RNF212: variants seen among roughly 807,000 people sequenced by gnomAD.
The protein encoded by RNF212 is ring finger protein 212.
A neutral mutation model predicts 34.7 loss-of-function variants in RNF212; 33 were observed. That is an observed-to-expected ratio of 0.95 (90% CI 0.72 to 1.27). The LOEUF (loss-of-function observed/expected upper bound fraction) is 1.27. RNF212 is among the 50% of genes most tolerant of loss of function. The pLI is 0.00. For missense variants in RNF212, 377 were observed against 362.2 expected (o/e 1.04, Z -0.33); for synonymous variants, 140 against 136.1 (o/e 1.03, Z -0.20).
chr4:1,103,549 C>T (rs1724354956), intron 2 of RNF212, among the ~76,000 whole-genome samples: 1 of 152,148 alleles, frequency 6.6e-6, no homozygotes, highest in Admixed American at 6.5e-5. Context: ...CCTTGTATCA[C>T]TACAAAGTTG....
chr4:1,113,512 C>G lies in RNF212; in HGVS notation c.-48G>C. Reference sequence around the variant, plus strand: ...CGAGGCCGGGCCCACGCGAAGCCCACGCAAGGTTGGGACCAGCCTCCCCGC... The same window carrying G: ...CGAGGCCGGGCCCACGCGAAGCCCAGGCAAGGTTGGGACCAGCCTCCCCGC... On this transcript the variant is annotated 5_prime_UTR_variant, in exon 1 of 10. Transcript: ENST00000433731. 1 of 1,527,750 alleles carries G rather than the reference C, an allele frequency of 6.5e-7. No homozygotes were observed. Among genetic ancestry groups the G allele is most frequent in the Non-Finnish European group, 9.0e-7 (1 of 1,115,038 alleles). 94.6% of individuals were successfully genotyped at this position (1,527,750 alleles called of 1,614,324 possible).
At chr4:1,089,885 CG>C (rs1367084844) in intron 4 of RNF212, among the ~76,000 whole-genome samples, 3 of 152,148 alleles carry the variant, frequency 2.0e-5, no homozygotes, top group Non-Finnish European at 4.4e-5. Flanking sequence ...CCCAGTCATG[CG>C]GAACTGTGAG....
chr4:1,087,857 G>A (rs1240899647), intron 4 of RNF212, among the ~76,000 whole-genome samples: 1 of 151,934 alleles, frequency 6.6e-6, no homozygotes, highest in Non-Finnish European at 1.5e-5. Flanking sequence ...TATGTAAGAT[G>A]TGCCTTGCTC....
chr4:1,097,433 T>C (rs1214875741), intron 2 of RNF212, among the ~76,000 whole-genome samples: 2 of 151,172 alleles, frequency 1.3e-5, no homozygotes, highest in Admixed American at 6.6e-5. Context: ...TGAAACCCCG[T>C]CTCTACTAAA....
At chr4:1,105,961 C>A (rs554292731) in intron 2 of RNF212, among the ~76,000 whole-genome samples, 1 of 152,326 alleles carries the variant, frequency 6.6e-6, no homozygotes, top group South Asian at 2.1e-4. Flanking sequence ...CTGGGGACCA[C>A]GAGGCGGCCA....
intron 8 of RNF212, among the ~76,000 whole-genome samples, chr4:1,076,558 C>T (rs952279794): frequency 6.6e-6 from 1 of 152,208 alleles, no homozygotes; most frequent in Non-Finnish European, 1.5e-5. Context: ...TCAGTCTGCA[C>T]AGGCAACAGG....
intron 2 of RNF212, among the ~76,000 whole-genome samples, chr4:1,097,163 C>T (rs139919196): frequency 2.0e-5 from 3 of 152,302 alleles, no homozygotes; most frequent in East Asian, 3.9e-4. Flanking sequence ...TCCAGCCCAG[C>T]CTCCTCCTTT....
chr4:1,106,655 C>T (rs1341570352), intron 2 of RNF212, among the ~76,000 whole-genome samples: 1 of 152,204 alleles, frequency 6.6e-6, no homozygotes, highest in East Asian at 1.9e-4. Flanking sequence ...AAGTAAATGA[C>T]CTGAACATTC....
intron 4 of RNF212, among the ~76,000 whole-genome samples, chr4:1,089,087 C>A (rs687939): frequency 0.19 from 28,181 of 152,216 alleles, 4,248 homozygotes; most frequent in African/African-American, 0.42. Flanking sequence ...AAGAGGGCCA[C>A]TGTCCTCCAG....
At position 1,101,123 on chromosome 4, in the gene RNF212, C is replaced by T. The variant is rs927788164; in HGVS notation, c.172-4284G>A. Reference sequence around the variant, plus strand: ...ATTAACAGGAATTGAGTTGGTGTGACCAGTATGAGCATTGGCAGATGCTCT... The same window carrying T: ...ATTAACAGGAATTGAGTTGGTGTGATCAGTATGAGCATTGGCAGATGCTCT... On this transcript the variant is annotated intron_variant, in intron 2 of 9. Transcript: ENST00000433731. The T allele has an allele frequency of 7.2e-5, 12 of 166,086 alleles. No homozygotes were observed. The South Asian group carries it at 1.9e-3, about 26-fold the overall frequency. 10.3% of individuals were successfully genotyped at this position (166,086 alleles called of 1,614,324 possible). A position where few individuals can be genotyped will look rare whatever the true frequency, so the allele number is the denominator to read the frequency against.
chr4:1,074,428 C>T (rs1418214932), intron 8 of RNF212, among the ~76,000 whole-genome samples: 2 of 152,204 alleles, frequency 1.3e-5, no homozygotes, highest in African/African-American at 2.4e-5. Flanking sequence ...CTGCTACCCA[C>T]TTTCCTGGCT....
At chr4:1,106,447 T>C (rs1345396462) in intron 2 of RNF212, among the ~76,000 whole-genome samples, 2 of 152,016 alleles carry the variant, frequency 1.3e-5, no homozygotes, top group African/African-American at 4.8e-5. Context: ...AAATTAACGA[T>C]GAAAATGACA....
At chr4:1,069,727 G>A (rs77521705), downstream of RNF212, among the ~76,000 whole-genome samples, 465 of 152,320 alleles carry the variant, frequency 3.1e-3, 2 homozygotes, top group African/African-American at 9.7e-3. Context: ...TCTGGTCTCC[G>A]GAGGAAATAC....
intron 8 of RNF212, among the ~76,000 whole-genome samples, chr4:1,076,306 C>T (rs952331709): frequency 6.6e-6 from 1 of 152,228 alleles, no homozygotes; most frequent in Non-Finnish European, 1.5e-5. Context: ...AAGAACCAAT[C>T]CCCTCTGGGC....
Position 1,097,379 on chromosome 4 carries a change from C to T in RNF212, c.172-540G>A, listed in dbSNP as rs370048860. 1.7e-4 allele frequency among the ~76,000 whole-genome samples: 26 copies of T among 152,050 alleles called. No individual in the cohort carries two copies. In the East Asian group the frequency reaches 4.3e-3, roughly 25 times the overall value. ...CAGCACTTTGGGAGGCCGAGGCGGG[C>T]GGATCACAAGGTCAGGAGATCGAGA... On this transcript the variant is annotated intron_variant, in intron 2 of 9. Coordinates refer to ENST00000433731, the MANE Select transcript of RNF212 (RefSeq NM_001131034.4).
rs182860860 is a variant in RNF212 at position 1,081,360 on chromosome 4, G to C, written c.464+59C>G. On this transcript the variant is annotated intron_variant, in intron 7 of 9. Coordinates refer to ENST00000433731, the MANE Select transcript of RNF212 (RefSeq NM_001131034.4). ...GAGGGGGTGGGGTTGGGATGGGAAG[G>C]CAGGTGCAGAATCGGAAAGACCTGC... 4.9e-5 allele frequency: 71 copies of C among 1,456,670 alleles called. 1 individual carries two copies. The African/African-American group carries it at 8.6e-4, about 18-fold the overall frequency. The allele number at this position is 1,456,670 out of a possible 1,614,324, so 90.2% of individuals were successfully genotyped here. A position where few individuals can be genotyped will look rare whatever the true frequency, so the allele number is the denominator to read the frequency against.
intron 3 of RNF212, among the ~76,000 whole-genome samples, chr4:1,063,789 G>C (rs963364964): frequency 6.6e-6 from 1 of 151,592 alleles, no homozygotes; most frequent in African/African-American, 2.4e-5. Flanking sequence ...TGGGAGGATT[G>C]ATTGAGCCCA....
chr4:1,094,014 A>G (rs1316626373), intron 3 of RNF212: 1 of 1,528,580 alleles, frequency 6.5e-7, no homozygotes, highest in African/African-American at 1.4e-5. Context: ...AGCCTGAGAT[A>G]CTGTGGGTGA....
At chr4:1,100,039 C>T (rs1723716355) in intron 2 of RNF212, 1 of 380,010 alleles carries the variant, frequency 2.6e-6, no homozygotes, top group Admixed American at 3.1e-5. Context: ...TTGAAACACA[C>T]AGATTGTACT....
Sources: allele counts gnomAD v4.1 joint callset (sites outside exome capture counted in the v4.1 genomes callset), GRCh38; gene constraint gnomAD v4.1.1; transcripts MANE v1.5; gene names NCBI Gene and HGNC (gene_info 2026-07-23, HGNC 2026-07-21).